Variants in MECOM observed in about 807,000 individuals in gnomAD.
The protein encoded by MECOM is histone-lysine N-methyltransferase MECOM.
Under a neutral mutation model 116.3 loss-of-function variants are expected in MECOM, and 13 were observed. The observed-to-expected ratio is 0.11, with a 90% confidence interval of 0.07 to 0.18. MECOM has a LOEUF of 0.18. MECOM is among the 10% of genes least tolerant of loss of function. The pLI, the probability that MECOM is intolerant of heterozygous loss-of-function variation, is 1.00. For synonymous variants in MECOM, 528 were observed against 535.2 expected, an observed-to-expected ratio of 0.99 and a Z score of 0.19; for missense variants, 1,299 against 1,509.0, an observed-to-expected ratio of 0.86 and a Z score of 2.31.
intron 2 of MECOM, among the ~76,000 whole-genome samples, chr3:169,186,517 T>C (rs1029301845): frequency 6.6e-6 from 1 of 152,118 alleles, no homozygotes; most frequent in African/African-American, 2.4e-5. Flanking sequence ...AAATATCATA[T>C]TAAATTTATT....
intron 1 of MECOM, among the ~76,000 whole-genome samples, chr3:169,518,247 A>C (rs1184845572): frequency 1.3e-5 from 2 of 149,612 alleles, no homozygotes; most frequent in Admixed American, 6.7e-5. Context: ...CGACAGAGTG[A>C]GACTCCATCT....
chr3:169,596,173 T>C (rs187244719), intron 1 of MECOM, among the ~76,000 whole-genome samples: 1 of 152,358 alleles, frequency 6.6e-6, no homozygotes, highest in Admixed American at 6.5e-5. Flanking sequence ...CATGTAACTC[T>C]TTAATATTAT....
chr3:169,441,526 T>C (rs983644953), intron 1 of MECOM, among the ~76,000 whole-genome samples: 39 of 152,032 alleles, frequency 2.6e-4, no homozygotes, highest in African/African-American at 8.9e-4. Flanking sequence ...AAAATGTTCA[T>C]TTTACATTTC....
intron 1 of MECOM, among the ~76,000 whole-genome samples, chr3:169,490,215 G>C (rs1578249130): frequency 1.3e-5 from 2 of 152,292 alleles, no homozygotes; most frequent in East Asian, 3.9e-4. Flanking sequence ...AGGATGAAGA[G>C]AGATCTAGCA....
chr3:169,660,803 T>G lies in MECOM; in HGVS notation c.37+2533A>C, dbSNP rs376334545. ...AATCGCGCTTTAAAATACAAAAATC[T>G]GTAGTTTTAATATGATTTCCTTTAT... On this transcript the variant is annotated intron_variant, in intron 1 of 16. Coordinates refer to ENST00000651503, the MANE Select transcript of MECOM (RefSeq NM_004991.4). Among the ~76,000 whole-genome samples the G allele has an allele frequency of 4.2e-4, 64 of 152,300 alleles. 1 individual carries two copies. The South Asian group carries it at 0.013, about 31-fold the overall frequency.
intron 1 of MECOM, among the ~76,000 whole-genome samples, chr3:169,499,709 A>G (rs2108968855): frequency 6.6e-6 from 1 of 152,212 alleles, no homozygotes; most frequent in East Asian, 1.9e-4. Flanking sequence ...GCTTTAAAAG[A>G]AGCTAGAACA....
chr3:169,162,718 T>C (rs1248044614), intron 2 of MECOM, among the ~76,000 whole-genome samples: 2 of 152,222 alleles, frequency 1.3e-5, no homozygotes, highest in East Asian at 3.8e-4. Context: ...TTTATCTTCA[T>C]ATGTGTGTTC....
chr3:169,083,838 C>A lies in MECOM; in HGVS notation c.*1071G>T. 1 of 215,824 alleles carries A rather than the reference C, an allele frequency of 4.6e-6. No homozygotes were observed. The highest frequency in any genetic ancestry group is 6.9e-5 in the East Asian group (1 of 14,474). The allele number at this position is 215,824 out of a possible 1,614,324, so 13.4% of individuals were successfully genotyped here. A position where few individuals can be genotyped will look rare whatever the true frequency, so the allele number is the denominator to read the frequency against. On this transcript the variant is annotated 3_prime_UTR_variant, in exon 17 of 17. Transcript: ENST00000651503. ...TTTTTAATCAGAAGAATCATGCTTC[C>A]ATGAAAGAAATTATAATCGTTTATA...
chr3:169,116,064 C>G lies in MECOM; in HGVS notation c.1808G>C (p.Ser603Thr), dbSNP rs1289260692. 6.2e-7 allele frequency: 1 copy of G among 1,614,034 alleles called. No individual in the cohort carries two copies. Among genetic ancestry groups the G allele is most frequent in the Non-Finnish European group, 8.5e-7 (1 of 1,180,036 alleles). The change falls in exon 8 of 17, where the codon AGT (serine) becomes ACT (threonine). Residue 603 changes from serine to threonine, a missense_variant. This residue lies in a region of MECOM where 238 missense variants were observed against 273.1 expected (regional missense o/e 0.87). Coordinates refer to ENST00000651503, the MANE Select transcript of MECOM (RefSeq NM_004991.4). ...LETTSGSDLE[S>T]DIESDKEKFK... is the part of the protein sequence containing the mutation. The stretch of plus-strand genomic sequence containing the variant: ...TTTCTCTTTATCACTTTCAATGTCA[C>G]TTTCCAGATCAGAGCCCGAGGTTGT...
intron 1 of MECOM, among the ~76,000 whole-genome samples, chr3:169,467,518 G>A (rs1003047253): frequency 1.3e-5 from 2 of 148,598 alleles, no homozygotes; most frequent in African/African-American, 4.9e-5. Flanking sequence ...TATTTTATAG[G>A]TGAAGAAATA....
At chr3:169,147,988 C>T (rs1740434757) in intron 2 of MECOM, among the ~76,000 whole-genome samples, 1 of 151,938 alleles carries the variant, frequency 6.6e-6, no homozygotes, top group Non-Finnish European at 1.5e-5. Flanking sequence ...GAAAAGTTGA[C>T]ATGTACATTT....
intron 2 of MECOM, among the ~76,000 whole-genome samples, chr3:169,249,978 C>A (rs1756051388): frequency 6.6e-6 from 1 of 152,166 alleles, no homozygotes; most frequent in African/African-American, 2.4e-5. Context: ...TTGGTACTTA[C>A]ATTCTGCATA....
intron 2 of MECOM, among the ~76,000 whole-genome samples, chr3:169,358,529 A>AC (rs1491465493): frequency 8.9e-6 from 1 of 112,358 alleles, no homozygotes; most frequent in Non-Finnish European, 1.8e-5. Context: ...TTAGAGCCAC[A>AC]AAAAAAAAAA....
intron 3 of MECOM, among the ~76,000 whole-genome samples, chr3:169,142,915 T>G (rs986812407): frequency 1.3e-5 from 2 of 151,982 alleles, no homozygotes; most frequent in African/African-American, 4.8e-5. Context: ...GAGAAATAAA[T>G]GATTATAACA....
intron 1 of MECOM, among the ~76,000 whole-genome samples, chr3:169,444,658 C>T (rs1744303788): frequency 6.6e-6 from 1 of 152,026 alleles, no homozygotes; most frequent in African/African-American, 2.4e-5. Flanking sequence ...AAATTGGTAC[C>T]AGTAGAGTGG....
At chr3:169,606,430 G>GA (rs1268986409) in intron 1 of MECOM, among the ~76,000 whole-genome samples, 1 of 150,092 alleles carries the variant, frequency 6.7e-6, no homozygotes, top group African/African-American at 2.4e-5. Context: ...AAAAGAAAAA[G>GA]AAATGAAAGA....
intron 2 of MECOM, among the ~76,000 whole-genome samples, chr3:169,196,067 C>T (rs902130336): frequency 6.6e-6 from 1 of 151,970 alleles, no homozygotes; most frequent in South Asian, 2.1e-4. Flanking sequence ...TATGTTTCTT[C>T]TCTCCTATCG....
At chr3:169,103,499 G>A (rs1390726746) in intron 10 of MECOM, among the ~76,000 whole-genome samples, 2 of 152,150 alleles carry the variant, frequency 1.3e-5, no homozygotes, top group African/African-American at 4.8e-5. Context: ...TTTAAAAGGT[G>A]TTTGCATTCT....
intron 2 of MECOM, among the ~76,000 whole-genome samples, chr3:169,347,224 T>C (rs1725506491): frequency 6.6e-6 from 1 of 151,962 alleles, no homozygotes; most frequent in South Asian, 2.1e-4. Context: ...AAAACATTGG[T>C]TGTACTTCAT....
Sources: gnomAD v4.1 joint callset for allele counts (sites outside exome capture counted in the v4.1 genomes callset) on GRCh38, gnomAD v4.1.1 for gene constraint, gnomAD v4.1.1 regional missense constraint, MANE v1.5 for transcripts, NCBI Gene and HGNC (gene_info 2026-07-23, HGNC 2026-07-21) for gene names.